The following PRKG1 variants were observed in gnomAD, a reference collection of about 807,000 sequenced individuals.
PRKG1 encodes the protein cGMP-dependent protein kinase 1.
In PRKG1, 35 loss-of-function variants were observed where a neutral mutation model predicts 88.1. The observed-to-expected ratio is 0.40, with a 90% CI of 0.30 to 0.53. The LOEUF (loss-of-function observed/expected upper bound fraction) is 0.53, where lower values mean the gene tolerates loss of function less well. Among genes scored for constraint, PRKG1 ranks in the 20% least tolerant of loss-of-function variants. PRKG1 has a pLI of 0.59. For missense variants in PRKG1, 540 were observed against 839.8 expected (o/e 0.64, Z 4.41); for synonymous variants, 303 against 292.5 (o/e 1.04, Z -0.37).
At chr10:51,468,037 T>A (rs1254510319) in intron 3 of PRKG1, 5 of 484,534 alleles carry the variant, frequency 1.0e-5, no homozygotes, top group South Asian at 7.5e-5. Context: ...TACATTTTCT[T>A]GCTGACTTCT....
chr10:51,044,133 A>G (rs1843458585), intron 1 of PRKG1, among the ~76,000 whole-genome samples: 1 of 152,112 alleles, frequency 6.6e-6, no homozygotes, highest in South Asian at 2.1e-4. Context: ...CATGACTTCC[A>G]TTTTCTCAAA....
intron 2 of PRKG1, among the ~76,000 whole-genome samples, chr10:51,353,656 G>A (rs926298254): frequency 3.3e-5 from 5 of 152,122 alleles, no homozygotes; most frequent in African/African-American, 7.2e-5. Flanking sequence ...ACAAATGCTG[G>A]CGAGGATGTG....
intron 1 of PRKG1, among the ~76,000 whole-genome samples, chr10:51,031,441 C>G (rs1412828592): frequency 6.6e-6 from 1 of 152,066 alleles, no homozygotes; most frequent in Non-Finnish European, 1.5e-5. Context: ...TCAACAAATG[C>G]TTTAGAATGG....
intron 3 of PRKG1, among the ~76,000 whole-genome samples, chr10:51,766,315 C>A (rs534933277): frequency 2.6e-5 from 4 of 152,264 alleles, no homozygotes; most frequent in African/African-American, 9.6e-5. Flanking sequence ...CCTCCTAGTG[C>A]GCATGCAGGC....
chr10:51,376,618 A>G (rs909962022), intron 2 of PRKG1, among the ~76,000 whole-genome samples: 4 of 152,066 alleles, frequency 2.6e-5, no homozygotes, highest in African/African-American at 9.7e-5. Context: ...AAGCCCATTT[A>G]TTTCAAGTCA....
chr10:51,896,622 T>A (rs1841852875), intron 4 of PRKG1, among the ~76,000 whole-genome samples: 3 of 122,306 alleles, frequency 2.5e-5, no homozygotes. Flanking sequence ...TAAGCTTAGG[T>A]GACAGAGCGA....
At chr10:51,280,099 T>C (rs1247823697) in intron 2 of PRKG1, among the ~76,000 whole-genome samples, 1 of 152,198 alleles carries the variant, frequency 6.6e-6, no homozygotes, top group Admixed American at 6.5e-5. Flanking sequence ...CATTTGCTTG[T>C]CTGTAAAGGA....
chr10:51,888,706 G>A (rs1405635209), intron 4 of PRKG1, among the ~76,000 whole-genome samples: 2 of 152,188 alleles, frequency 1.3e-5, no homozygotes, highest in Non-Finnish European at 2.9e-5. Flanking sequence ...CTGTGGGTTT[G>A]TGTCCAGGTT....
At chr10:51,946,625 C>T (rs1391638576) in intron 5 of PRKG1, among the ~76,000 whole-genome samples, 1 of 151,972 alleles carries the variant, frequency 6.6e-6, no homozygotes, top group Non-Finnish European at 1.5e-5. Context: ...TGGTGATGTA[C>T]AGGTGGGTTT....
At chr10:51,858,844 C>A (rs1840789462) in intron 4 of PRKG1, among the ~76,000 whole-genome samples, 1 of 152,018 alleles carries the variant, frequency 6.6e-6, no homozygotes, top group South Asian at 2.1e-4. Context: ...AACACTTTTT[C>A]CCTGAATCGC....
rs1837330191 is a variant in PRKG1, at chr10:52,133,836, A to G, written c.936-4A>G. On this transcript the variant is annotated splice_polypyrimidine_tract_variant and splice_region_variant and intron_variant, in intron 7 of 17. Transcript: ENST00000373980. ...TTATTTGAATGTCTCTATTTTTCACATAGGGAAGATGTGAGAACAGCAAAC... is the reference window on the plus strand; with the variant it reads ...TTATTTGAATGTCTCTATTTTTCACGTAGGGAAGATGTGAGAACAGCAAAC... 6.2e-7 allele frequency: 1 copy of G among 1,611,708 alleles called. No individual in the cohort carries two copies. Among genetic ancestry groups the G allele is most frequent in the South Asian group, 1.1e-5 (1 of 90,892 alleles).
intron 4 of PRKG1, among the ~76,000 whole-genome samples, chr10:51,837,700 T>C (rs1840167672): frequency 6.6e-6 from 1 of 152,146 alleles, no homozygotes; most frequent in Non-Finnish European, 1.5e-5. Flanking sequence ...TACCACACTG[T>C]CCGGATGTTT....
At chr10:51,178,838 G>A (rs1415415030) in intron 2 of PRKG1, among the ~76,000 whole-genome samples, 1 of 152,036 alleles carries the variant, frequency 6.6e-6, no homozygotes, top group Non-Finnish European at 1.5e-5. Context: ...TATTGATGAT[G>A]TAACTATAGA....
chr10:51,205,679 G>T (rs1838041221), intron 2 of PRKG1, among the ~76,000 whole-genome samples: 1 of 151,736 alleles, frequency 6.6e-6, no homozygotes, highest in South Asian at 2.1e-4. Context: ...GGGACTAGAG[G>T]CGCTGCCACC....
chr10:51,220,906 A>G (rs1276940524), intron 2 of PRKG1, among the ~76,000 whole-genome samples: 1 of 152,088 alleles, frequency 6.6e-6, no homozygotes, highest in Non-Finnish European at 1.5e-5. Context: ...GGAAATTGAA[A>G]AGGAATAAGA....
chr10:51,393,512 CCAAA>C (rs1837496950), intron 2 of PRKG1, among the ~76,000 whole-genome samples: 1 of 152,256 alleles, frequency 6.6e-6, no homozygotes. Flanking sequence ...GTCAAGGTGA[CCAAA>C]CAAAGGTGGT....
At chr10:51,397,184 T>G (rs562871068) in intron 2 of PRKG1, among the ~76,000 whole-genome samples, 73 of 151,222 alleles carry the variant, frequency 4.8e-4, no homozygotes, top group African/African-American at 1.6e-3. Flanking sequence ...AGTGCTTCAC[T>G]TCCTACATTG....
At chr10:52,289,843 A>G (rs1480149800) in intron 16 of PRKG1, among the ~76,000 whole-genome samples, 26 of 152,160 alleles carry the variant, frequency 1.7e-4, no homozygotes, top group Non-Finnish European at 2.9e-4. Context: ...TGGAAAGTTA[A>G]TTTTCTATCC....
At chr10:51,261,943 G>T (rs375154167) in intron 2 of PRKG1, among the ~76,000 whole-genome samples, 13 of 144,030 alleles carry the variant, frequency 9.0e-5, no homozygotes, top group African/African-American at 3.5e-4. Flanking sequence ...GGAATGCAGT[G>T]GTGCAATCGC....
Sources: allele counts gnomAD v4.1 joint callset (sites outside exome capture counted in the v4.1 genomes callset), GRCh38; gene constraint gnomAD v4.1.1; transcripts MANE v1.5; gene names NCBI Gene and HGNC (gene_info 2026-07-23, HGNC 2026-07-21).